Variants in TRIM44 observed in about 807,000 individuals in gnomAD.
The protein encoded by TRIM44 is tripartite motif-containing protein 44.
In TRIM44, 13 loss-of-function variants were observed where a neutral mutation model predicts 37.4. The ratio of observed to expected loss-of-function variants is 0.35; its 90% CI spans 0.23 to 0.55. The LOEUF (loss-of-function observed/expected upper bound fraction) is 0.55. Ranked by LOEUF, TRIM44 falls within the 20% of genes least tolerant of loss-of-function variation. The pLI is 0.89. For synonymous variants in TRIM44, 175 were observed against 157.2 expected (o/e 1.11, Z -0.85); for missense variants, 426 against 437.2 (o/e 0.97, Z 0.23).
intron 2 of TRIM44, among the ~76,000 whole-genome samples, chr11:35,690,232 C>T (rs901536475): frequency 2.0e-5 from 3 of 151,998 alleles, no homozygotes; most frequent in African/African-American, 4.8e-5. Context: ...GTTAAATAAA[C>T]CCAAGAATGG....
At chr11:35,691,866 C>T (rs1252592990) in intron 2 of TRIM44, among the ~76,000 whole-genome samples, 3 of 152,216 alleles carry the variant, frequency 2.0e-5, no homozygotes, top group South Asian at 2.1e-4. Context: ...AGAATGGTCT[C>T]GATCTCCTGA....
At position 35,816,645 on chromosome 11, in the gene TRIM44, C is replaced by A. The variant is rs1006561496; in HGVS notation, c.*10260C>A. The A allele has an allele frequency of 6.6e-6, 1 of 152,184 alleles. No homozygotes were observed. The highest frequency in any genetic ancestry group is 1.5e-5 in the Non-Finnish European group (1 of 68,024). 9.4% of individuals were successfully genotyped at this position (152,184 alleles called of 1,614,324 possible). ...AGTGTTGCATCTTCACAAAAAAGAG[C>A]AATGTGCCGTCTTCTGTCTTTGGAA... is the stretch of plus-strand genomic sequence containing the variant. On this transcript the variant is annotated 3_prime_UTR_variant, in exon 5 of 5. Coordinates refer to ENST00000299413, the MANE Select transcript of TRIM44 (RefSeq NM_017583.6).
chr11:35,665,661 C>G (rs1042021789), intron 1 of TRIM44, among the ~76,000 whole-genome samples: 1 of 131,180 alleles, frequency 7.6e-6, no homozygotes, highest in Non-Finnish European at 1.6e-5. Context: ...GTGGCTAGAT[C>G]TCAGCTCACT....
intron 4 of TRIM44, among the ~76,000 whole-genome samples, chr11:35,780,778 CTG>C (rs1393134206): frequency 6.8e-6 from 1 of 146,866 alleles, no homozygotes; most frequent in South Asian, 2.3e-4. Context: ...CACCCTCAGT[CTG>C]AAAAGGAAAC....
Position 35,790,419 on chromosome 11 carries a change from C to T in TRIM44, c.1008-15939C>T, listed in dbSNP as rs141253057. Among the ~76,000 whole-genome samples the T allele has an allele frequency of 8.0e-3, 1,225 of 152,344 alleles. 6 individuals are homozygous for T. The highest frequency in any genetic ancestry group is 0.058 in the Middle Eastern group (17 of 294). On this transcript the variant is annotated intron_variant, in intron 4 of 4. Transcript: ENST00000299413. The stretch of plus-strand genomic sequence containing the variant: ...CTCTCATGTTTGGCATCTGTTACCT[C>T]CTCCAGTACATAGAGCAGTCCTTTG...
At chr11:35,665,598 T>G (rs200697977) in intron 1 of TRIM44, among the ~76,000 whole-genome samples, 131 of 130,074 alleles carry the variant, frequency 1.0e-3, no homozygotes, top group Admixed American at 6.9e-3. Context: ...TTTTTTTTTT[T>G]TTTTTTTTTT....
At position 35,663,560 on chromosome 11, in the gene TRIM44, A is replaced by C. The variant is rs1189052410; in HGVS notation, c.449A>C (p.Glu150Ala). ...GAAGAAGACAACCAAGAAGAAGGGGAATCCGAGGCGGAGGGAGAAACTGAG... is the reference window on the plus strand; with the variant it reads ...GAAGAAGACAACCAAGAAGAAGGGGCATCCGAGGCGGAGGGAGAAACTGAG... ...EAEEDNQEEG[E>A]SEAEGETEAE... The change falls in exon 1 of 5, where the codon GAA (glutamate) becomes GCA (alanine). Residue 150 changes from glutamate (E) to alanine (A), a missense_variant. By Grantham distance (107) the Glu-to-Ala change is moderately radical. Coordinates refer to ENST00000299413, the MANE Select transcript of TRIM44 (RefSeq NM_017583.6). 1 of 1,613,696 alleles carries C rather than the reference A, an allele frequency of 6.2e-7. No individual in the cohort carries two copies. The highest frequency in any genetic ancestry group is 2.2e-5 in the East Asian group (1 of 44,840).
At chr11:35,665,799 T>C (rs1177014039) in intron 1 of TRIM44, among the ~76,000 whole-genome samples, 1 of 151,910 alleles carries the variant, frequency 6.6e-6, no homozygotes, top group Non-Finnish European at 1.5e-5. Context: ...GTTTTTGCCA[T>C]GTTGACCAGG....
rs1565400053 is a variant in TRIM44, at chr11:35,663,700, A to G, written c.589A>G (p.Ile197Val). 2 of 1,614,178 alleles carry G rather than the reference A, an allele frequency of 1.2e-6. No individual in the cohort carries two copies. Among genetic ancestry groups the G allele is most frequent in the Admixed American group, 1.7e-5 (1 of 60,026 alleles). ...STYCQEDRQL[I>V]CVLCPVIGAH... is the part of the protein sequence containing the mutation. ...CTATTGCCAGGAAGATAGGCAGCTC[A>G]TCTGTGTCCTGTGTCCAGTCATTGG... The change falls in exon 1 of 5, where the codon ATC becomes GTC. Residue 197 changes from isoleucine (I) to valine (V), a missense_variant. Ile to Val is a conservative substitution (Grantham distance 29). Transcript: ENST00000299413.
intron 4 of TRIM44, among the ~76,000 whole-genome samples, chr11:35,792,901 A>G (rs962348428): frequency 1.3e-5 from 2 of 152,216 alleles, no homozygotes; most frequent in Admixed American, 1.3e-4. Context: ...AATCAGCTCA[A>G]ACCTTGAAAG....
chr11:35,797,970 AC>A (rs1203590837), intron 4 of TRIM44, among the ~76,000 whole-genome samples: 1 of 152,166 alleles, frequency 6.6e-6, no homozygotes, highest in Non-Finnish European at 1.5e-5. Flanking sequence ...TTAAGGACAC[AC>A]CCATGACACA....
Position 35,802,613 on chromosome 11 carries a change from C to A in TRIM44, c.1008-3745C>A, listed in dbSNP as rs183699839. Among the ~76,000 whole-genome samples, 4 of 152,252 alleles carry A rather than the reference C, an allele frequency of 2.6e-5. No homozygotes were observed. The East Asian group carries it at 7.7e-4, about 29-fold the overall frequency. Reference sequence around the variant, plus strand: ...ATTACATACCACAAGGGTATCCATACCCCAGTTTTAAGGCCACCACTTTTA... The same window carrying A: ...ATTACATACCACAAGGGTATCCATAACCCAGTTTTAAGGCCACCACTTTTA... On this transcript the variant is annotated intron_variant, in intron 4 of 4. Transcript: ENST00000299413.
intron 2 of TRIM44, among the ~76,000 whole-genome samples, chr11:35,721,629 A>G (rs1379595684): frequency 2.0e-5 from 3 of 152,194 alleles, no homozygotes; most frequent in African/African-American, 7.2e-5. Context: ...CTTAATGAAG[A>G]GTTTAAATGT....
intron 4 of TRIM44, among the ~76,000 whole-genome samples, chr11:35,773,283 T>A (rs1180034315): frequency 1.3e-5 from 2 of 152,154 alleles, no homozygotes; most frequent in Non-Finnish European, 2.9e-5. Context: ...GTGCCTTTTT[T>A]TTAAAGAAGT....
intron 2 of TRIM44, among the ~76,000 whole-genome samples, chr11:35,689,581 T>G (rs577877412): frequency 6.6e-6 from 1 of 152,210 alleles, no homozygotes; most frequent in African/African-American, 2.4e-5. Flanking sequence ...TATCTGTAGA[T>G]TGAGTACATT....
chr11:35,737,697 G>A (rs989510623), intron 4 of TRIM44, among the ~76,000 whole-genome samples: 3 of 151,996 alleles, frequency 2.0e-5, no homozygotes, highest in African/African-American at 7.2e-5. Flanking sequence ...TTAGCCAAGG[G>A]TGGTGGCGCA....
rs1251419754 is a variant in TRIM44, at chr11:35,812,194, G to A, written c.*5809G>A. 1 of 152,044 alleles carries A rather than the reference G, an allele frequency of 6.6e-6. No homozygotes were observed. 9.4% of individuals were successfully genotyped at this position (152,044 alleles called of 1,614,324 possible). A position where few individuals can be genotyped will look rare whatever the true frequency, so the allele number is the denominator to read the frequency against. The stretch of plus-strand genomic sequence containing the variant: ...TATTACTCTTTGTTTGGTCCAACAT[G>A]GCCCCATTTCCTTTATACTCATAAA... On this transcript the variant is annotated 3_prime_UTR_variant, in exon 5 of 5. Coordinates refer to ENST00000299413, the MANE Select transcript of TRIM44 (RefSeq NM_017583.6).
chr11:35,815,782 C>T lies in TRIM44; in HGVS notation c.*9397C>T, dbSNP rs1351741735. 2.6e-5 allele frequency: 4 copies of T among 152,152 alleles called. No individual in the cohort carries two copies. Among genetic ancestry groups the T allele is most frequent in the African/African-American group, 7.2e-5 (3 of 41,428 alleles). 9.4% of individuals were successfully genotyped at this position (152,152 alleles called of 1,614,324 possible). On this transcript the variant is annotated 3_prime_UTR_variant, in exon 5 of 5. Transcript: ENST00000299413. Reference sequence around the variant, plus strand: ...ATATGTTTAAGTGGTATAAAGAAGCCAGGATTCCTAGAATGGTCTGTCTTT... The same window carrying T: ...ATATGTTTAAGTGGTATAAAGAAGCTAGGATTCCTAGAATGGTCTGTCTTT...
intron 2 of TRIM44, among the ~76,000 whole-genome samples, chr11:35,700,986 T>C (rs1324889456): frequency 1.3e-5 from 2 of 152,256 alleles, no homozygotes; most frequent in East Asian, 3.9e-4. Flanking sequence ...GAAGATTCAG[T>C]AGTTGTAAGA....
Sources: allele counts gnomAD v4.1 joint callset (sites outside exome capture counted in the v4.1 genomes callset), GRCh38; gene constraint gnomAD v4.1.1; transcripts MANE v1.5; gene names NCBI Gene and HGNC (gene_info 2026-07-23, HGNC 2026-07-21).